The following AFF4 variants were observed in gnomAD, a reference collection of about 807,000 sequenced individuals.
AFF4 encodes the protein AF4/FMR2 family member 4.
AFF4 carries 13 observed loss-of-function variants against 124.8 expected under a neutral mutation model. The ratio of observed to expected loss-of-function variants is 0.10; its 90% CI spans 0.07 to 0.17. The LOEUF is 0.17. Among genes scored for constraint, AFF4 ranks in the 10% least tolerant of loss-of-function variants. AFF4 has a pLI of 1.00. For missense variants in AFF4, 1,092 were observed against 1,403.8 expected, an observed-to-expected ratio of 0.78 and a Z score of 3.55; for synonymous variants, 477 against 496.1, an observed-to-expected ratio of 0.96 and a Z score of 0.51.
chr5:132,932,834 G>A (rs980501170), intron 3 of AFF4, among the ~76,000 whole-genome samples: 2 of 152,204 alleles, frequency 1.3e-5, no homozygotes, highest in African/African-American at 4.8e-5. Context: ...AGGAATTAGA[G>A]AGCCGAACTC....
chr5:132,901,997 TA>T (rs1404693382), intron 7 of AFF4, among the ~76,000 whole-genome samples: 1 of 152,228 alleles, frequency 6.6e-6, no homozygotes, highest in East Asian at 1.9e-4. Flanking sequence ...AATATTTCAC[TA>T]TCTGACCCTT....
At chr5:132,915,761 G>A (rs1401853518) in intron 5 of AFF4, among the ~76,000 whole-genome samples, 1 of 151,306 alleles carries the variant, frequency 6.6e-6, no homozygotes. Context: ...AGAGATGGGG[G>A]TTTCACCATA....
intron 1 of AFF4, among the ~76,000 whole-genome samples, chr5:132,953,383 G>C (rs1278543261): frequency 5.3e-5 from 8 of 151,884 alleles, no homozygotes; most frequent in Admixed American, 5.3e-4. Context: ...GGGACTAAAG[G>C]ATGCATGACA....
chr5:132,907,674 T>G (rs1760701275), intron 5 of AFF4, among the ~76,000 whole-genome samples: 1 of 152,090 alleles, frequency 6.6e-6, no homozygotes, highest in East Asian at 1.9e-4. Context: ...AAGGCTTCCC[T>G]GAGGAACTGC....
At chr5:132,950,984 G>A (rs932969446) in intron 1 of AFF4, among the ~76,000 whole-genome samples, 2 of 152,154 alleles carry the variant, frequency 1.3e-5, no homozygotes, top group Admixed American at 6.5e-5. Context: ...CAGCACTCTG[G>A]GAGGCTAAGA....
chr5:132,961,745 C>T (rs1762086296), intron 1 of AFF4, among the ~76,000 whole-genome samples: 2 of 152,036 alleles, frequency 1.3e-5, no homozygotes, highest in Non-Finnish European at 2.9e-5. Context: ...CCATCTTGTC[C>T]CCACTTGAAG....
chr5:132,951,883 A>C (rs1761850545), intron 1 of AFF4, among the ~76,000 whole-genome samples: 1 of 152,198 alleles, frequency 6.6e-6, no homozygotes, highest in Non-Finnish European at 1.5e-5. Context: ...TAAGAAACTG[A>C]ATTGTTTTGC....
Position 132,877,391 on chromosome 5 carries a change from T to C in AFF4, c.*3668A>G, listed in dbSNP as rs1346304342. 5 of 216,742 alleles carry C rather than the reference T, an allele frequency of 2.3e-5. No homozygotes were observed. Among genetic ancestry groups the C allele is most frequent in the Non-Finnish European group, 4.6e-5 (5 of 107,604 alleles). The allele number at this position is 216,742 out of a possible 1,614,324, so 13.4% of individuals were successfully genotyped here. On this transcript the variant is annotated 3_prime_UTR_variant, in exon 21 of 21. Coordinates refer to ENST00000265343, the MANE Select transcript of AFF4 (RefSeq NM_014423.4). The stretch of plus-strand genomic sequence containing the variant: ...TCTAAAGGAATACACATTGCACCCT[T>C]GAACATTAATATTCAAGGTGTCAAC...
At chr5:132,911,861 G>A (rs1760798517) in intron 5 of AFF4, among the ~76,000 whole-genome samples, 1 of 149,752 alleles carries the variant, frequency 6.7e-6, no homozygotes, top group African/African-American at 2.4e-5. Context: ...AAAAAAAAAG[G>A]ACATTTTACA....
intron 5 of AFF4, among the ~76,000 whole-genome samples, chr5:132,914,616 G>C (rs1263231880): frequency 6.6e-6 from 1 of 150,726 alleles, no homozygotes; most frequent in Admixed American, 6.6e-5. Context: ...AAAAAAAGAA[G>C]AACAAATTAA....
At chr5:132,925,691 C>T (rs1235328457) in intron 5 of AFF4, among the ~76,000 whole-genome samples, 1 of 152,184 alleles carries the variant, frequency 6.6e-6, no homozygotes, top group Non-Finnish European at 1.5e-5. Context: ...ATGAACCTCA[C>T]TAGCAATCAA....
In AFF4 at chr5:132,934,605, C is replaced by CAG. The variant is rs760515148; in HGVS notation, c.459_460insCT (p.Glu154LeufsTer38). ...CTGCTCCCACTATTGTTATATGACT[C>CAG]ACGGTCGTGCCTCTGACCACTACTG... On this transcript the variant is annotated frameshift_variant, in exon 3 of 21. Coordinates refer to ENST00000265343, the MANE Select transcript of AFF4 (RefSeq NM_014423.4). LOFTEE classifies it high-confidence loss of function. 1 of 1,614,106 alleles carries CAG rather than the reference C, an allele frequency of 6.2e-7. No individual in the cohort carries two copies. Among genetic ancestry groups the CAG allele is most frequent in the Admixed American group, 1.7e-5 (1 of 60,022 alleles).
intron 5 of AFF4, among the ~76,000 whole-genome samples, chr5:132,917,705 CTTTTTTTTTTT>C (rs58145774): frequency 1.4e-5 from 1 of 74,052 alleles, no homozygotes; most frequent in Admixed American, 1.8e-4. Flanking sequence ...CTTTTCTTTT[CTTTTTTTTTTT>C]TTTTTTTTTT....
intron 1 of AFF4, chr5:132,943,196 A>C (rs1210564868): frequency 5.6e-6 from 1 of 178,296 alleles, no homozygotes; most frequent in African/African-American, 2.4e-5. Flanking sequence ...TGGGTGTGAA[A>C]CAGCTAATTG....
intron 5 of AFF4, among the ~76,000 whole-genome samples, chr5:132,917,791 C>A (rs563154776): frequency 1.4e-5 from 2 of 138,446 alleles, no homozygotes; most frequent in East Asian, 4.4e-4. Flanking sequence ...CGGCTCACTG[C>A]AACCTCCACC....
At chr5:132,925,079 A>C (rs547587384) in intron 5 of AFF4, among the ~76,000 whole-genome samples, 3 of 151,444 alleles carry the variant, frequency 2.0e-5, no homozygotes, top group Non-Finnish European at 4.4e-5. Flanking sequence ...GGAGGCTGAG[A>C]CAGGAGAATC....
intron 5 of AFF4, among the ~76,000 whole-genome samples, chr5:132,924,482 G>A (rs1215469407): frequency 6.6e-6 from 1 of 152,158 alleles, no homozygotes; most frequent in African/African-American, 2.4e-5. Context: ...AAAGGAACAT[G>A]AAGAAATTTG....
At chr5:132,919,953 G>GGGCA (rs1282691884) in intron 5 of AFF4, among the ~76,000 whole-genome samples, 17 of 151,832 alleles carry the variant, frequency 1.1e-4, no homozygotes, top group Admixed American at 1.3e-4. Flanking sequence ...AGACTAGCCA[G>GGGCA]GGCAACACAG....
chr5:132,948,650 T>G (rs545177104), intron 1 of AFF4: 1 of 177,574 alleles, frequency 5.6e-6, no homozygotes, highest in Non-Finnish European at 1.3e-5. Context: ...TTTGGCCCAA[T>G]GCAACCCTCT....
Sources: gnomAD v4.1 joint callset for allele counts (sites outside exome capture counted in the v4.1 genomes callset) on GRCh38, gnomAD v4.1.1 for gene constraint, MANE v1.5 for transcripts, NCBI Gene and HGNC (gene_info 2026-07-23, HGNC 2026-07-21) for gene names.